Variants in KCNMA1 observed in about 807,000 individuals in gnomAD.
The protein encoded by KCNMA1 is potassium calcium-activated channel subfamily M alpha 1.
Under a neutral mutation model 140.0 loss-of-function variants are expected in KCNMA1, and 29 were observed. That is an observed-to-expected ratio of 0.21 (90% confidence interval 0.15 to 0.28). KCNMA1 has a LOEUF of 0.28. Among genes scored for constraint, KCNMA1 ranks in the 10% least tolerant of loss-of-function variants. The probability of loss-of-function intolerance (pLI) is 1.00; values close to 1 mark genes in which losing one functional copy is unlikely to be tolerated. For missense variants in KCNMA1, 880 were observed against 1,602.2 expected (o/e 0.55, Z 7.70); for synonymous variants, 612 against 611.9 (o/e 1.00, Z 0.00).
At chr10:77,221,338 A>C (rs1318218563) in intron 3 of KCNMA1, among the ~76,000 whole-genome samples, 1 of 152,186 alleles carries the variant, frequency 6.6e-6, no homozygotes, top group Admixed American at 6.5e-5. Flanking sequence ...CTGGGATCCA[A>C]GGACTGCCCT....
chr10:77,377,647 C>G (rs1043108812), intron 2 of KCNMA1, among the ~76,000 whole-genome samples: 6 of 152,158 alleles, frequency 3.9e-5, no homozygotes, highest in African/African-American at 1.4e-4. Flanking sequence ...ATCCTCTAAC[C>G]AAAGCAGCTA....
chr10:77,017,271 G>A (rs1031855487), intron 17 of KCNMA1, among the ~76,000 whole-genome samples: 2 of 152,142 alleles, frequency 1.3e-5, no homozygotes, highest in African/African-American at 4.8e-5. Flanking sequence ...TGGTTCTCCT[G>A]TGCTCCCCAG....
chr10:76,926,870 T>G (rs912978269), intron 23 of KCNMA1, among the ~76,000 whole-genome samples: 1 of 152,154 alleles, frequency 6.6e-6, no homozygotes, highest in East Asian at 1.9e-4. Context: ...ACCATGTAGC[T>G]TGCACATCAC....
intron 3 of KCNMA1, among the ~76,000 whole-genome samples, chr10:77,239,242 A>G (rs905663540): frequency 2.0e-5 from 3 of 152,252 alleles, no homozygotes; most frequent in Non-Finnish European, 1.5e-5. Flanking sequence ...GGAAAAGCAC[A>G]TGCTAGGTAC....
chr10:77,025,800 G>A (rs952456730), intron 16 of KCNMA1, among the ~76,000 whole-genome samples: 10 of 151,878 alleles, frequency 6.6e-5, no homozygotes, highest in African/African-American at 9.7e-5. Flanking sequence ...GTGTTTTCAC[G>A]TGGATATTGT....
rs1555337767 is a variant in KCNMA1, at chr10:77,439,149, A to AGAGAAGAGAAGAGAAGAGAAGAGAAGAG, written c.379-35127_379-35126insCTCTTCTCTTCTCTTCTCTTCTCTTCTC. Among the ~76,000 whole-genome samples the AGAGAAGAGAAGAGAAGAGAAGAGAAGAG allele has an allele frequency of 1.4e-4, 12 of 85,208 alleles. 1 individual carries two copies. Among genetic ancestry groups the AGAGAAGAGAAGAGAAGAGAAGAGAAGAG allele is most frequent in the African/African-American group, 4.9e-4 (11 of 22,466 alleles). The allele number at this position is 85,208 out of a possible 152,430, so 55.9% of individuals were successfully genotyped here. On this transcript the variant is annotated intron_variant, in intron 1 of 27. Transcript: ENST00000286628. ...AGAGAAGAGAAGAGAAGAGAAGAGAAAAGAGAAGAGAAGAAAAGAAAAGAG... is the reference window on the plus strand; with the variant it reads ...AGAGAAGAGAAGAGAAGAGAAGAGAAGAGAAGAGAAGAGAAGAGAAGAGAAGAGAAGAGAAGAGAAGAAAAGAAAAGAG...
At chr10:77,045,786 G>T (rs2095016914) in intron 14 of KCNMA1, among the ~76,000 whole-genome samples, 1 of 152,150 alleles carries the variant, frequency 6.6e-6, no homozygotes, top group South Asian at 2.1e-4. Flanking sequence ...AACTCTCCTG[G>T]CTGGGAGTAT....
intron 2 of KCNMA1, among the ~76,000 whole-genome samples, chr10:77,318,529 GTAT>G (rs1490743004): frequency 2.0e-5 from 3 of 152,158 alleles, no homozygotes; most frequent in Non-Finnish European, 4.4e-5. Context: ...CTACCTTCTA[GTAT>G]GAAAGCAGCT....
In KCNMA1 at chr10:76,983,538, T is replaced by C. The variant is rs2080214187; in HGVS notation, c.2267-13471A>G. Among the ~76,000 whole-genome samples the C allele has an allele frequency of 2.0e-5, 3 of 152,092 alleles. No individual in the cohort carries two copies. In the South Asian group the frequency reaches 6.2e-4, roughly 32 times the overall value. ...TCTTGAGGTCAGTTCAAGATCAGCC[T>C]GGCCAATATGGCAAAACCCCGTCTC... On this transcript the variant is annotated intron_variant, in intron 19 of 27. Coordinates refer to ENST00000286628, the MANE Select transcript of KCNMA1 (RefSeq NM_001161352.2).
At chr10:77,573,411 G>C (rs1396897652) in intron 1 of KCNMA1, among the ~76,000 whole-genome samples, 1 of 152,114 alleles carries the variant, frequency 6.6e-6, no homozygotes, top group African/African-American at 2.4e-5. Flanking sequence ...GGGGCAGGCT[G>C]GGCAGGGGTG....
intron 14 of KCNMA1, chr10:77,071,510 C>T (rs2096211278): frequency 6.6e-6 from 1 of 152,198 alleles, no homozygotes; most frequent in Non-Finnish European, 1.5e-5. Context: ...TCATGTTGAA[C>T]ATAAGATCCC....
intron 1 of KCNMA1, among the ~76,000 whole-genome samples, chr10:77,572,678 C>T (rs2072095157): frequency 1.5e-5 from 2 of 135,676 alleles, no homozygotes; most frequent in South Asian, 4.7e-4. Context: ...ATCGCTTGAG[C>T]TCGAGAGGTC....
intron 3 of KCNMA1, among the ~76,000 whole-genome samples, chr10:77,247,175 G>T (rs1230470279): frequency 6.6e-6 from 1 of 152,144 alleles, no homozygotes; most frequent in African/African-American, 2.4e-5. Context: ...AAGTAGCAGC[G>T]TTTAAACATG....
intron 1 of KCNMA1, among the ~76,000 whole-genome samples, chr10:77,589,932 T>C (rs1052605385): frequency 2.0e-5 from 3 of 152,168 alleles, no homozygotes; most frequent in African/African-American, 7.2e-5. Context: ...ATCTTGCTGA[T>C]TGGTCCATTT....
At chr10:77,192,197 T>C (rs934242636) in intron 3 of KCNMA1, among the ~76,000 whole-genome samples, 3 of 152,138 alleles carry the variant, frequency 2.0e-5, no homozygotes, top group Non-Finnish European at 4.4e-5. Flanking sequence ...ATGACATAGA[T>C]TGCTAACAGA....
chr10:77,139,486 C>T (rs2098121013), intron 5 of KCNMA1, among the ~76,000 whole-genome samples: 1 of 152,206 alleles, frequency 6.6e-6, no homozygotes, highest in East Asian at 1.9e-4. Flanking sequence ...TCACTTATTG[C>T]TTGCCAACTG....
At chr10:77,162,432 T>A (rs890218424) in intron 5 of KCNMA1, among the ~76,000 whole-genome samples, 1 of 152,358 alleles carries the variant, frequency 6.6e-6, no homozygotes, top group East Asian at 1.9e-4. Context: ...AAAAGTATTA[T>A]GCAAAACCTT....
chr10:76,890,274 G>A (rs369304047), intron 26 of KCNMA1, among the ~76,000 whole-genome samples: 1 of 152,170 alleles, frequency 6.6e-6, no homozygotes. Context: ...TGGCTTCAGC[G>A]GCCAGGTGGC....
chr10:76,958,292 T>C (rs74602366), intron 20 of KCNMA1, among the ~76,000 whole-genome samples: 2,434 of 152,290 alleles, frequency 0.016, 71 homozygotes, highest in African/African-American at 0.056. Context: ...GGATTAGATA[T>C]TGTCTTTCAC....
Sources: allele counts gnomAD v4.1 joint callset (sites outside exome capture counted in the v4.1 genomes callset), GRCh38; gene constraint gnomAD v4.1.1; transcripts MANE v1.5; gene names NCBI Gene and HGNC (gene_info 2026-07-23, HGNC 2026-07-21).